The following FAM83H variants were observed in gnomAD, a reference collection of about 807,000 sequenced individuals.
The protein encoded by FAM83H is protein FAM83H.
FAM83H carries 24 observed loss-of-function variants against 30.2 expected under a neutral mutation model. The ratio of observed to expected loss-of-function variants is 0.79; its 90% CI spans 0.57 to 1.12. The LOEUF is 1.12. Ranked by LOEUF, FAM83H falls within the 50% of genes most tolerant of loss-of-function variation. The pLI, the probability that FAM83H is intolerant of heterozygous loss-of-function variation, is 0.00. For missense variants in FAM83H, 2,038 were observed against 1,773.9 expected (o/e 1.15, Z -2.67); for synonymous variants, 1,013 against 821.7 (o/e 1.23, Z -3.98).
At chr8:143,731,932 G>A (rs1818536856) in intron 1 of FAM83H, 11 of 985,442 alleles carry the variant, frequency 1.1e-5, no homozygotes, top group Non-Finnish European at 1.3e-5. Context: ...TCCCTGGAAG[G>A]AGAGCCCTAG....
chr8:143,728,064 G>A lies in FAM83H; in HGVS notation c.1397C>T (p.Pro466Leu), dbSNP rs369685277. 1.9e-6 allele frequency: 3 copies of A among 1,610,134 alleles called. No homozygotes were observed. Among genetic ancestry groups the A allele is most frequent in the Non-Finnish European group, 2.5e-6 (3 of 1,179,286 alleles). Residue 466 changes from proline (P) to leucine (L), a missense_variant, in exon 5 of 5, where the codon CCG becomes CTG. Transcript: ENST00000388913. The stretch of plus-strand genomic sequence containing the variant: ...CTCGAACAGGCCTTGCGGGCGCGCC[G>A]GCGTGAGCTGCGGGTCCCACTGGTA... ...QQYQWDPQLT[P>L]ARPQGLFEKL...
Position 143,727,437 on chromosome 8 carries a change from A to AG in FAM83H, c.2023dup (p.Leu675ProfsTer30). On this transcript the variant is annotated frameshift_variant, in exon 5 of 5. Transcript: ENST00000388913. LOFTEE classifies it low-confidence loss of function (END_TRUNC). ...GCGCAGCCTGGAGCTGCGCTGGACCAGGGGGTTCAGGCGCGAGCGGAATGA... is the reference window on the plus strand; with the variant it reads ...GCGCAGCCTGGAGCTGCGCTGGACCAGGGGGGTTCAGGCGCGAGCGGAATGA... The AG allele has an allele frequency of 6.4e-7, 1 of 1,571,800 alleles. No individual in the cohort carries two copies. Among genetic ancestry groups the AG allele is most frequent in the Non-Finnish European group, 8.6e-7 (1 of 1,166,600 alleles).
At chr8:143,729,539 G>A (rs1332974816) in intron 2 of FAM83H, among the ~76,000 whole-genome samples, 3 of 152,188 alleles carry the variant, frequency 2.0e-5, no homozygotes, top group South Asian at 2.1e-4. Context: ...GGGGGAAACC[G>A]AGGCAGGTGC....
At position 143,727,830 on chromosome 8, in the gene FAM83H, A is replaced by G. The variant is rs1818361470; in HGVS notation, c.1631T>C (p.Leu544Pro). The G allele has an allele frequency of 7.6e-7, 1 of 1,321,942 alleles. No individual in the cohort carries two copies. Among genetic ancestry groups the G allele is most frequent in the Non-Finnish European group, 9.6e-7 (1 of 1,044,016 alleles). The allele number at this position is 1,321,942 out of a possible 1,614,324, so 81.9% of individuals were successfully genotyped here. The change falls in exon 5 of 5, where the codon CTG becomes CCG. Residue 544 changes from leucine to proline, a missense_variant. Leu to Pro is a moderately conservative substitution (Grantham distance 98). Coordinates refer to ENST00000388913, the MANE Select transcript of FAM83H (RefSeq NM_198488.5). ...LEPSGAPRPNLTQRFPCQAAA... is the reference protein window; with the variant it reads ...LEPSGAPRPNPTQRFPCQAAA... ...GGCCTGGCATGGGAAGCGCTGGGTC[A>G]GGTTGGGGCGCGGGGCTCCGCTGGG...
In FAM83H at chr8:143,728,729, G is replaced by A. The variant is rs782236331; in HGVS notation, c.738-6C>T. 4.4e-6 allele frequency: 7 copies of A among 1,598,746 alleles called. No individual in the cohort carries two copies. In the Admixed American group the frequency reaches 5.0e-5, roughly 11 times the overall value. On this transcript the variant is annotated splice_region_variant and splice_polypyrimidine_tract_variant and intron_variant, in intron 4 of 4. Coordinates refer to ENST00000388913, the MANE Select transcript of FAM83H (RefSeq NM_198488.5). The stretch of plus-strand genomic sequence containing the variant: ...TCTCAAAGGACCACATGAAGCTGTG[G>A]GGGGGTCAGGGCCAGAGTCAAACCG...
rs1420427416 is a variant in FAM83H, at chr8:143,728,328, C to T, written c.1133G>A (p.Arg378Gln). 1.4e-6 allele frequency: 2 copies of T among 1,447,686 alleles called. No homozygotes were observed. The highest frequency in any genetic ancestry group is 2.4e-4 in the Middle Eastern group (1 of 4,116). 89.7% of individuals were successfully genotyped at this position (1,447,686 alleles called of 1,614,324 possible). The part of the protein sequence containing the change: ...EPHAGLRPLS[R>Q]RLEAEAGPAG... Reference sequence around the variant, plus strand: ...CGGCCCGGCCTCGGCCTCCAGGCGCCGCGAGAGCGGCCGCAGCCCCGCGTG... The same window carrying T: ...CGGCCCGGCCTCGGCCTCCAGGCGCTGCGAGAGCGGCCGCAGCCCCGCGTG... The change falls in exon 5 of 5, where the codon CGG becomes CAG. Residue 378 changes from arginine (R) to glutamine (Q), a missense_variant. Transcript: ENST00000388913.
chr8:143,725,622 G>C lies in FAM83H; in HGVS notation c.*299C>G. On this transcript the variant is annotated 3_prime_UTR_variant, in exon 5 of 5. Transcript: ENST00000388913. ...GGGGGGACTGAGGCACAAAGAGATGGCGGAGCCAGACGCTGCGCCACGCAA... is the reference window on the plus strand; with the variant it reads ...GGGGGGACTGAGGCACAAAGAGATGCCGGAGCCAGACGCTGCGCCACGCAA... The C allele has an allele frequency of 1.8e-6, 1 of 544,824 alleles. No homozygotes were observed. The highest frequency in any genetic ancestry group is 3.3e-6 in the Non-Finnish European group (1 of 304,462). The allele number at this position is 544,824 out of a possible 1,614,324, so 33.7% of individuals were successfully genotyped here. A position where few individuals can be genotyped will look rare whatever the true frequency, so the allele number is the denominator to read the frequency against.
rs536998784 is a variant in FAM83H, at chr8:143,732,888, A to C, written c.-16+803T>G. Among the ~76,000 whole-genome samples, 26 of 151,346 alleles carry C rather than the reference A, an allele frequency of 1.7e-4. No homozygotes were observed. In the East Asian group the frequency reaches 2.9e-3, roughly 17 times the overall value. On this transcript the variant is annotated intron_variant, in intron 1 of 4. Coordinates refer to ENST00000388913, the MANE Select transcript of FAM83H (RefSeq NM_198488.5). ...TCTGCTTGCTGACCCCTGACCTCTG[A>C]CTCGAAGTCAGGGCCCTCAGCTGGC... is the stretch of plus-strand genomic sequence containing the variant.
rs782495339 is a variant in FAM83H, at chr8:143,729,048, C to T, written c.656G>A (p.Arg219His). The T allele has an allele frequency of 2.5e-6, 4 of 1,613,424 alleles. No homozygotes were observed. The highest frequency in any genetic ancestry group is 2.5e-6 in the Non-Finnish European group (3 of 1,179,980). The change falls in exon 4 of 5, where the codon CGC (arginine) becomes CAC (histidine). Residue 219 changes from arginine (R) to histidine (H), a missense_variant. Arg to His is a conservative substitution (Grantham distance 29). Transcript: ENST00000388913. ...GTGGCCCTTGAAGGACTTCCCAGTG[C>T]GGCAGTAGTAGGTGGGGCCCGCCAC... is the stretch of plus-strand genomic sequence containing the variant. ...RTVAGPTYYC[R>H]TGKSFKGHVK...
chr8:143,726,971 G>A lies in FAM83H; in HGVS notation c.2490C>T (p.Arg830=), dbSNP rs782747990. ...LDTLGRSGSD[R]LPSRFLSAQS... is the part of the protein sequence containing the mutation. The stretch of plus-strand genomic sequence containing the variant: ...GGGCAGAGAGGAAGCGGGAAGGCAG[G>A]CGGTCGGAGCCGCTCCGGCCCAGTG... The change falls in exon 5 of 5, where the codon CGC becomes CGT. Residue 830 remains arginine (R), a synonymous_variant. Coordinates refer to ENST00000388913, the MANE Select transcript of FAM83H (RefSeq NM_198488.5). The A allele has an allele frequency of 2.5e-6, 4 of 1,604,816 alleles. No homozygotes were observed. Among genetic ancestry groups the A allele is most frequent in the South Asian group, 2.2e-5 (2 of 90,342 alleles).
At position 143,726,646 on chromosome 8, in the gene FAM83H, G is replaced by A; in HGVS notation, c.2815C>T (p.Leu939Phe). 1.3e-6 allele frequency: 2 copies of A among 1,598,012 alleles called. No individual in the cohort carries two copies. The highest frequency in any genetic ancestry group is 1.7e-6 in the Non-Finnish European group (2 of 1,177,498). The change falls in exon 5 of 5, where the codon CTT becomes TTT. Residue 939 changes from leucine to phenylalanine, a missense_variant. Transcript: ENST00000388913. ...TTCGGGGACTCCCCGGAGATGGTAA[G>A]GGTGAGGCTGCCCCTGCGCTCCGGC... is the stretch of plus-strand genomic sequence containing the variant. ...PVPERRGSLT[L>F]TISGESPKAG...
rs1036836007 is a variant in FAM83H at position 143,729,488 on chromosome 8, G to A, written c.448-165C>T. ...CCACATCTGGGAAGATGGGCAGGAA[G>A]AAGGGACCAAACAGAAGAGGTGTGG... On this transcript the variant is annotated intron_variant, in intron 2 of 4. Transcript: ENST00000388913. 3.3e-5 allele frequency among the ~76,000 whole-genome samples: 5 copies of A among 152,226 alleles called. No homozygotes were observed. The South Asian group carries it at 1.0e-3, about 32-fold the overall frequency.
At position 143,726,369 on chromosome 8, in the gene FAM83H, A is replaced by C. The variant is rs1554621728; in HGVS notation, c.3092T>G (p.Leu1031Trp). 1.9e-6 allele frequency: 3 copies of C among 1,611,086 alleles called. No individual in the cohort carries two copies. Among genetic ancestry groups the C allele is most frequent in the Admixed American group, 1.7e-5 (1 of 59,884 alleles). The change falls in exon 5 of 5, where the codon TTG (leucine) becomes TGG (tryptophan). Residue 1031 changes from leucine to tryptophan, a missense_variant. By Grantham distance (61) the Leu-to-Trp change is moderately conservative. Coordinates refer to ENST00000388913, the MANE Select transcript of FAM83H (RefSeq NM_198488.5). ...GTCATCCCGAAGGTTGCTGCTGTAC[A>C]AGGCGTTGGCCGTGGCTGAGGACAG... Reference protein sequence around the residue: ...ARLSSATANALYSSNLRDDTK... With the variant: ...ARLSSATANAWYSSNLRDDTK...
rs1357716592 is a variant in FAM83H at position 143,726,650 on chromosome 8, G to A, written c.2811C>T (p.Leu937=). The change falls in exon 5 of 5, where the codon CTC becomes CTT. Residue 937 remains leucine, a synonymous_variant. Coordinates refer to ENST00000388913, the MANE Select transcript of FAM83H (RefSeq NM_198488.5). ...VPPVPERRGS[L]TLTISGESPK... ...GGGACTCCCCGGAGATGGTAAGGGT[G>A]AGGCTGCCCCTGCGCTCCGGCACGG... 6.3e-7 allele frequency: 1 copy of A among 1,597,834 alleles called. No homozygotes were observed. The highest frequency in any genetic ancestry group is 1.3e-5 in the African/African-American group (1 of 74,848).
chr8:143,725,584 A>T lies in FAM83H; in HGVS notation c.*337T>A. On this transcript the variant is annotated 3_prime_UTR_variant, in exon 5 of 5. Transcript: ENST00000388913. ...GCACTCCAGCCCTAGGTCTCAAAAA[A>T]ATAAAGGGGGCGGGGGGGACTGAGG... 2.3e-6 allele frequency: 1 copy of T among 433,024 alleles called. No individual in the cohort carries two copies. 26.8% of individuals were successfully genotyped at this position (433,024 alleles called of 1,614,324 possible).
chr8:143,726,581 T>G lies in FAM83H; in HGVS notation c.2880A>C (p.Glu960Asp). The G allele has an allele frequency of 6.2e-7, 1 of 1,601,752 alleles. No individual in the cohort carries two copies. The highest frequency in any genetic ancestry group is 8.5e-7 in the Non-Finnish European group (1 of 1,178,650). ...PAEEGPSGPMEVLRKGSLRLR... is the reference protein window; with the variant it reads ...PAEEGPSGPMDVLRKGSLRLR... Reference sequence around the variant, plus strand: ...GACGCAAGGAGCCTTTGCGCAGGACTTCCATGGGGCCGCTCGGCCCCTCCT... The same window carrying G: ...GACGCAAGGAGCCTTTGCGCAGGACGTCCATGGGGCCGCTCGGCCCCTCCT... The change falls in exon 5 of 5, where the codon GAA (glutamate) becomes GAC (aspartate). Residue 960 changes from glutamate (E) to aspartate (D), a missense_variant. Coordinates refer to ENST00000388913, the MANE Select transcript of FAM83H (RefSeq NM_198488.5).
In FAM83H at chr8:143,729,172, A is replaced by G. The variant is rs1818420792; in HGVS notation, c.599T>C (p.Leu200Pro). ...CCGGGAACTCACATCCACGTGCTGC[A>G]GGTTGACACGGCACTTGTCGGCCAT... ...LDMADKCRVN[L>P]QHVDFLRVRT... The change falls in exon 3 of 5, where the codon CTG becomes CCG. Residue 200 changes from leucine (L) to proline (P), a missense_variant. Transcript: ENST00000388913. 6.2e-7 allele frequency: 1 copy of G among 1,613,720 alleles called. No individual in the cohort carries two copies. The highest frequency in any genetic ancestry group is 2.2e-5 in the East Asian group (1 of 44,880).
Position 143,725,444 on chromosome 8 carries a change from A to C in FAM83H, c.*477T>G. The C allele has an allele frequency of 5.6e-6, 1 of 177,638 alleles. No individual in the cohort carries two copies. 11.0% of individuals were successfully genotyped at this position (177,638 alleles called of 1,614,324 possible). On this transcript the variant is annotated 3_prime_UTR_variant, in exon 5 of 5. Coordinates refer to ENST00000388913, the MANE Select transcript of FAM83H (RefSeq NM_198488.5). ...AACCCTGTCTCTACTAAAAATACAA[A>C]AACTACCTGGGCGTGGTAGCATACA... is the stretch of plus-strand genomic sequence containing the variant.
chr8:143,727,891 C>T lies in FAM83H; in HGVS notation c.1570G>A (p.Asp524Asn). 2.1e-6 allele frequency: 3 copies of T among 1,429,280 alleles called. No individual in the cohort carries two copies. Among genetic ancestry groups the T allele is most frequent in the Non-Finnish European group, 2.7e-6 (3 of 1,100,738 alleles). 88.5% of individuals were successfully genotyped at this position (1,429,280 alleles called of 1,614,324 possible). Residue 524 changes from aspartate to asparagine, a missense_variant, in exon 5 of 5, where the codon GAC (aspartate) becomes AAC (asparagine). Coordinates refer to ENST00000388913, the MANE Select transcript of FAM83H (RefSeq NM_198488.5). The part of the protein sequence containing the change: ...SASREVRHGS[D>N]PAFAPGPRGL... Reference sequence around the variant, plus strand: ...CGGGGTCCGGGCGCGAAGGCGGGGTCCGAGCCGTGGCGCACCTCGCGGGAC... The same window carrying T: ...CGGGGTCCGGGCGCGAAGGCGGGGTTCGAGCCGTGGCGCACCTCGCGGGAC...
Sources: gnomAD v4.1 joint callset for allele counts (sites outside exome capture counted in the v4.1 genomes callset) on GRCh38, gnomAD v4.1.1 for gene constraint, MANE v1.5 for transcripts, NCBI Gene and HGNC (gene_info 2026-07-23, HGNC 2026-07-21) for gene names.